Variants in GALK2 observed in about 807,000 individuals in gnomAD.
GALK2 encodes the protein N-acetylgalactosamine kinase.
In GALK2, 36 loss-of-function variants were observed where a neutral mutation model predicts 52.4. That is an observed-to-expected ratio of 0.69 (90% CI 0.53 to 0.91). The LOEUF (loss-of-function observed/expected upper bound fraction) is 0.91. Among genes scored for constraint, GALK2 ranks in the 40% least tolerant of loss-of-function variants. GALK2 has a pLI of 0.00. For missense variants in GALK2, 579 were observed against 559.1 expected (o/e 1.04, Z -0.36); for synonymous variants, 176 against 199.1 (o/e 0.88, Z 0.98).
upstream of GALK2, among the ~76,000 whole-genome samples, chr15:49,166,706 G>A (rs1452565499): frequency 6.6e-6 from 1 of 152,056 alleles, no homozygotes; most frequent in Non-Finnish European, 1.5e-5. Context: ...GCGAGACTTG[G>A]TCTCAACAAC....
chr15:49,192,508 T>TATATATAC (rs1337038875), intron 1 of GALK2, among the ~76,000 whole-genome samples: 3 of 138,110 alleles, frequency 2.2e-5, no homozygotes, highest in Non-Finnish European at 4.7e-5. Context: ...TATATATATA[T>TATATATAC]ATATATATAT....
chr15:49,162,203 A>G (rs2084676317), intron 1 of GALK2, among the ~76,000 whole-genome samples: 1 of 152,196 alleles, frequency 6.6e-6, no homozygotes, highest in Non-Finnish European at 1.5e-5. Context: ...AGATTAGTTT[A>G]CATTTTCAGG....
At chr15:49,184,752 A>T (rs1252388558) in intron 1 of GALK2, among the ~76,000 whole-genome samples, 1 of 152,188 alleles carries the variant, frequency 6.6e-6, no homozygotes, top group Non-Finnish European at 1.5e-5. Context: ...AACTAATAAC[A>T]CTTCAACTTC....
intron 1 of GALK2, among the ~76,000 whole-genome samples, chr15:49,173,652 A>G (rs76354742): frequency 0.068 from 10,334 of 152,168 alleles, 738 homozygotes; most frequent in African/African-American, 0.17. Context: ...TAAGTCCAAT[A>G]ATTATATTTG....
chr15:49,207,469 C>A (rs1294877107), intron 2 of GALK2, among the ~76,000 whole-genome samples: 1 of 152,108 alleles, frequency 6.6e-6, no homozygotes, highest in Non-Finnish European at 1.5e-5. Flanking sequence ...TGCTGTGAAT[C>A]TGTCTGGTCC....
At chr15:49,167,024 A>G (rs562566024), upstream of GALK2, among the ~76,000 whole-genome samples, 2 of 152,366 alleles carry the variant, frequency 1.3e-5, no homozygotes, top group African/African-American at 4.8e-5. Context: ...AGAAACATCA[A>G]TAGGCACTAG....
chr15:49,158,996 A>C (rs2084550406), intron 1 of GALK2: 1 of 152,126 alleles, frequency 6.6e-6, no homozygotes, highest in Non-Finnish European at 1.5e-5. Context: ...TGACTAATTT[A>C]AAATATTTTT....
rs540284001 is a variant in GALK2 at position 49,260,041 on chromosome 15, A to G, written c.504+20674A>G. ...TTGTGAATAGTGCCGCAATAAACAT[A>G]CGTGTGCATGTGTCTTTATAGCAGC... On this transcript the variant is annotated intron_variant, in intron 5 of 9. Transcript: ENST00000560031. 6.8e-3 allele frequency among the ~76,000 whole-genome samples: 1,038 copies of G among 151,634 alleles called. 6 individuals are homozygous for G. Among genetic ancestry groups the G allele is most frequent in the Non-Finnish European group, 0.012 (831 of 67,936 alleles).
intron 5 of GALK2, among the ~76,000 whole-genome samples, chr15:49,240,719 AT>A (rs2091053803): frequency 6.6e-6 from 1 of 152,224 alleles, no homozygotes; most frequent in African/African-American, 2.4e-5. Flanking sequence ...AACAAAAAAA[AT>A]GTCTCAATAT....
intron 5 of GALK2, among the ~76,000 whole-genome samples, chr15:49,242,331 T>C (rs1351018687): frequency 6.6e-6 from 1 of 152,136 alleles, no homozygotes; most frequent in Non-Finnish European, 1.5e-5. Flanking sequence ...CATTGTACTT[T>C]AGGAGCTGTG....
intron 5 of GALK2, among the ~76,000 whole-genome samples, chr15:49,258,635 C>T (rs148654206): frequency 4.1e-4 from 62 of 152,094 alleles, no homozygotes; most frequent in African/African-American, 1.4e-3. Context: ...ACTCAGGTCC[C>T]AGGAGGCCAG....
At chr15:49,169,227 A>G (rs2084928004), upstream of GALK2, 1 of 152,098 alleles carries the variant, frequency 6.6e-6, no homozygotes, top group South Asian at 2.1e-4. Context: ...GAGTTATGCT[A>G]CTACCCCTAG....
Position 49,328,649 on chromosome 15 carries a change from TTC to T in GALK2, c.*497_*498del, listed in dbSNP as rs762888521. The T allele has an allele frequency of 6.4e-7, 1 of 1,572,852 alleles. No homozygotes were observed. The highest frequency in any genetic ancestry group is 1.3e-5 in the African/African-American group (1 of 74,342). On this transcript the variant is annotated 3_prime_UTR_variant, in exon 10 of 10. Transcript: ENST00000560031. ...ATGATGACGATAGTGATGCCACACATTCTCTCTCAATTTCAGCTTCGGAACGC... is the reference window on the plus strand; with the variant it reads ...ATGATGACGATAGTGATGCCACACATTCTCTCAATTTCAGCTTCGGAACGC...
intron 5 of GALK2, among the ~76,000 whole-genome samples, chr15:49,265,626 C>T (rs1030678759): frequency 1.3e-5 from 2 of 152,242 alleles, no homozygotes; most frequent in Non-Finnish European, 2.9e-5. Context: ...GAACCCAGTA[C>T]CTCAGATGGA....
chr15:49,328,430 AT>A lies in GALK2; in HGVS notation c.*275del. On this transcript the variant is annotated 3_prime_UTR_variant, in exon 10 of 10. Coordinates refer to ENST00000560031, the MANE Select transcript of GALK2 (RefSeq NM_002044.4). ...CTTACTGAGATTTATTGATTTGAAG[AT>A]TTTAAAGATGAATGGTAAAACACAC... The A allele has an allele frequency of 6.9e-7, 1 of 1,444,832 alleles. No homozygotes were observed. The highest frequency in any genetic ancestry group is 1.6e-5 in the South Asian group (1 of 64,232). The allele number at this position is 1,444,832 out of a possible 1,614,324, so 89.5% of individuals were successfully genotyped here.
At chr15:49,170,549 A>AAC (rs1443957438) in intron 1 of GALK2, 174 bp downstream of exon 1, 3 of 619,470 alleles carry the variant, frequency 4.8e-6, no homozygotes, top group African/African-American at 3.7e-5. Context: ...TCACGCCGCA[A>AAC]ACACATTCTA....
At position 49,214,974 on chromosome 15, in the gene GALK2, A is replaced by G. The variant is rs193025406; in HGVS notation, c.143-2216A>G. ...GGAAAGTATTTCTCTTTCATGTTTG[A>G]AGGATAATTTTACTGGAAATAATAT... On this transcript the variant is annotated intron_variant, in intron 2 of 9. Transcript: ENST00000560031. 2.5e-3 allele frequency among the ~76,000 whole-genome samples: 374 copies of G among 152,258 alleles called. 1 individual carries two copies. Among genetic ancestry groups the G allele is most frequent in the African/African-American group, 8.7e-3 (363 of 41,552 alleles).
chr15:49,329,109 G>A lies in GALK2; in HGVS notation c.*950G>A. On this transcript the variant is annotated 3_prime_UTR_variant, in exon 10 of 10. Coordinates refer to ENST00000560031, the MANE Select transcript of GALK2 (RefSeq NM_002044.4). ...CATTCCTTATATCCCTTTTTTGCTT[G>A]TCTAGCAAAGCTTGTTTGTATATAT... The A allele has an allele frequency of 2.0e-6, 2 of 992,984 alleles. No individual in the cohort carries two copies. Among genetic ancestry groups the A allele is most frequent in the Non-Finnish European group, 2.4e-6 (2 of 834,460 alleles). 61.5% of individuals were successfully genotyped at this position (992,984 alleles called of 1,614,324 possible).
upstream of GALK2, among the ~76,000 whole-genome samples, chr15:49,169,423 C>G (rs2084934927): frequency 6.6e-6 from 1 of 152,104 alleles, no homozygotes; most frequent in African/African-American, 2.4e-5. Context: ...TCAGGCACAT[C>G]ATTTCACCTT....
Sources: gnomAD v4.1 joint callset for allele counts (sites outside exome capture counted in the v4.1 genomes callset) on GRCh38, gnomAD v4.1.1 for gene constraint, MANE v1.5 for transcripts, NCBI Gene and HGNC (gene_info 2026-07-23, HGNC 2026-07-21) for gene names.